CLCA2: variants seen among roughly 807,000 people sequenced by gnomAD.
CLCA2 encodes calcium-activated chloride channel regulator 2.
A neutral mutation model predicts 82.9 loss-of-function variants in CLCA2; 85 were observed. That is an observed-to-expected ratio of 1.03 (90% CI 0.86 to 1.23). The LOEUF (loss-of-function observed/expected upper bound fraction) is 1.23, where lower values mean the gene tolerates loss of function less well. Among genes scored for constraint, CLCA2 ranks in the 50% most tolerant of loss-of-function variants. CLCA2 has a pLI of 0.00. For synonymous variants in CLCA2, 421 were observed against 391.7 expected (o/e 1.07, Z -0.88); for missense variants, 1,089 against 1,124.8 (o/e 0.97, Z 0.45).
chr1:86,448,006 G>A, intron 11 of CLCA2: 2 of 553,242 alleles, frequency 3.6e-6, no homozygotes, highest in Non-Finnish European at 6.3e-6. Flanking sequence ...TTTGAGCAAA[G>A]GGTGGGAGGC....
At chr1:86,431,012 C>T (rs1360521585) in intron 4 of CLCA2, 42 bp downstream of exon 4, 1 of 1,400,230 alleles carries the variant, frequency 7.1e-7, no homozygotes, top group Non-Finnish European at 1.0e-6. Flanking sequence ...ATTTATTTGA[C>T]TCTAAAATTG....
In CLCA2 at chr1:86,455,511, G is replaced by A. The variant is rs1476588700; in HGVS notation, c.2816G>A (p.Gly939Glu). The A allele has an allele frequency of 6.8e-7, 1 of 1,474,600 alleles. No individual in the cohort carries two copies. The highest frequency in any genetic ancestry group is 9.0e-7 in the Non-Finnish European group (1 of 1,113,070). The allele number at this position is 1,474,600 out of a possible 1,614,324, so 91.3% of individuals were successfully genotyped here. Residue 939 changes from glycine to glutamate, a missense_variant, in exon 14 of 14, where the codon GGA becomes GAA. Coordinates refer to ENST00000370565, the MANE Select transcript of CLCA2 (RefSeq NM_006536.7). ...RKKRADKKEN[G>E]TKLL ...AAGAGAGCAGACAAGAAAGAGAATG[G>A]AACAAAATTATTATAAATAAATATC...
intron 2 of CLCA2, 130 bp downstream of exon 2, chr1:86,425,606 A>T (rs1662372954): frequency 3.2e-6 from 2 of 623,030 alleles, no homozygotes; most frequent in Non-Finnish European, 4.7e-6. Context: ...AATAATATTA[A>T]TGGGCAGAAT....
chr1:86,444,147 C>G (rs989720183), intron 10 of CLCA2, 136 bp downstream of exon 10: 18 of 618,326 alleles, frequency 2.9e-5, no homozygotes, highest in Non-Finnish European at 4.7e-5. Context: ...ATTTATGAGG[C>G]CATTTTGTGA....
At chr1:86,448,692 C>T (rs1364869666) in intron 11 of CLCA2, among the ~76,000 whole-genome samples, 1 of 152,198 alleles carries the variant, frequency 6.6e-6, no homozygotes, top group Non-Finnish European at 1.5e-5. Flanking sequence ...AGTATCTTGC[C>T]ATGGCAATCA....
chr1:86,426,541 G>A (rs999000532), intron 2 of CLCA2, among the ~76,000 whole-genome samples: 4 of 152,168 alleles, frequency 2.6e-5, no homozygotes, highest in African/African-American at 9.7e-5. Flanking sequence ...ATGAAGATAG[G>A]ATAGGTGGGG....
intron 9 of CLCA2, among the ~76,000 whole-genome samples, chr1:86,442,398 A>G (rs1662753614): frequency 6.6e-6 from 1 of 152,234 alleles, no homozygotes; most frequent in Non-Finnish European, 1.5e-5. Context: ...TGTTTAAAGA[A>G]GTAAAAAATA....
intron 10 of CLCA2, chr1:86,445,460 TG>T (rs1662832482): frequency 6.6e-6 from 1 of 151,812 alleles, no homozygotes; most frequent in Admixed American, 6.6e-5. Context: ...GCACTATTTT[TG>T]TTTCTGATTT....
intron 7 of CLCA2, 114 bp from the exon 8 acceptor site, chr1:86,440,034 G>A: frequency 1.0e-6 from 1 of 977,432 alleles, no homozygotes; most frequent in Non-Finnish European, 1.6e-6. Context: ...CTTGAGTGGA[G>A]ATGGGCGTGG....
Position 86,455,558 on chromosome 1 carries a change from T to C in CLCA2, c.*31T>C. The stretch of plus-strand genomic sequence containing the variant: ...TATCCAAAGTGTCTTCCTTCTTAGA[T>C]ATAAGACCCATGGCCTTCGACTACA... On this transcript the variant is annotated 3_prime_UTR_variant, in exon 14 of 14. Coordinates refer to ENST00000370565, the MANE Select transcript of CLCA2 (RefSeq NM_006536.7). The C allele has an allele frequency of 1.4e-6, 2 of 1,387,092 alleles. No individual in the cohort carries two copies. Among genetic ancestry groups the C allele is most frequent in the Non-Finnish European group, 1.9e-6 (2 of 1,051,182 alleles). The allele number at this position is 1,387,092 out of a possible 1,614,324, so 85.9% of individuals were successfully genotyped here.
chr1:86,447,926 T>G, intron 11 of CLCA2, 148 bp downstream of exon 11: 1 of 794,362 alleles, frequency 1.3e-6, no homozygotes, highest in Non-Finnish European at 1.9e-6. Context: ...ATAGAGTCAC[T>G]GATATACTGA....
At chr1:86,431,076 C>T (rs1172741300) in intron 4 of CLCA2, 106 bp downstream of exon 4, 9 of 726,388 alleles carry the variant, frequency 1.2e-5, no homozygotes, top group Non-Finnish European at 2.0e-5. Flanking sequence ...AATTTAATTG[C>T]AGCTAAAACT....
chr1:86,441,517 G>T lies in CLCA2; in HGVS notation c.1462G>T (p.Gly488Ter). The T allele has an allele frequency of 1.9e-6, 3 of 1,611,194 alleles. No individual in the cohort carries two copies. The highest frequency in any genetic ancestry group is 2.5e-6 in the Non-Finnish European group (3 of 1,177,776). The stretch of plus-strand genomic sequence containing the variant: ...TTTCAGTAGAATTTCCTCTGGAACT[G>T]GAGACATTTTCCAGCAACATATTCA... ...DAFSRISSGT[G>*]DIFQQHIQLE... Residue 488 changes from glycine to a stop codon, truncating the protein, a stop_gained, in exon 9 of 14, where the codon GGA becomes TGA. Transcript: ENST00000370565. LOFTEE classifies it high-confidence loss of function.
chr1:86,454,617 C>A (rs1353267301), intron 13 of CLCA2, among the ~76,000 whole-genome samples: 1 of 152,062 alleles, frequency 6.6e-6, no homozygotes, highest in African/African-American at 2.4e-5. Context: ...CATGGGGAAA[C>A]CCCGTCTCTA....
intron 1 of CLCA2, 69 bp downstream of exon 1, chr1:86,424,502 A>G (rs924918082): frequency 6.7e-6 from 9 of 1,335,084 alleles, no homozygotes; most frequent in Non-Finnish European, 9.2e-6. Context: ...TTTAGAAGCT[A>G]ACTACCCTGC....
At chr1:86,427,680 C>G (rs369491271) in intron 2 of CLCA2, among the ~76,000 whole-genome samples, 1 of 151,984 alleles carries the variant, frequency 6.6e-6, no homozygotes, top group African/African-American at 2.4e-5. Context: ...GCATATTTAA[C>G]TTTTAAGTGC....
At position 86,424,366 on chromosome 1, in the gene CLCA2, A is replaced by G. The variant is rs1479294431; in HGVS notation, c.119A>G (p.Tyr40Cys). The change falls in exon 1 of 14, where the codon TAT becomes TGT. Residue 40 changes from tyrosine (Y) to cysteine (C), a missense_variant. Transcript: ENST00000370565. Reference protein sequence around the residue: ...GAGVQLQDNGYNGLLIAINPQ... With the variant: ...GAGVQLQDNGCNGLLIAINPQ... ...GGAGTACAGCTTCAAGACAATGGGTATAATGGATTGCTCATTGCAATTAAT... is the reference window on the plus strand; with the variant it reads ...GGAGTACAGCTTCAAGACAATGGGTGTAATGGATTGCTCATTGCAATTAAT... The G allele has an allele frequency of 6.2e-7, 1 of 1,613,882 alleles. No homozygotes were observed. Among genetic ancestry groups the G allele is most frequent in the Non-Finnish European group, 8.5e-7 (1 of 1,179,868 alleles).
chr1:86,440,437 T>G (rs563391668), intron 8 of CLCA2, 112 bp downstream of exon 8: 1 of 1,014,036 alleles, frequency 9.9e-7, no homozygotes, highest in Non-Finnish European at 1.4e-6. Flanking sequence ...GAAATTGTTT[T>G]TAAAAAACGC....
At chr1:86,442,715 T>C (rs1028007783) in intron 9 of CLCA2, among the ~76,000 whole-genome samples, 14 of 152,256 alleles carry the variant, frequency 9.2e-5, no homozygotes, top group Non-Finnish European at 1.5e-4. Flanking sequence ...ATTTAATAAA[T>C]GTAAATTTTC....
Sources: gnomAD v4.1 joint callset for allele counts (sites outside exome capture counted in the v4.1 genomes callset) on GRCh38, gnomAD v4.1.1 for gene constraint, MANE v1.5 for transcripts, NCBI Gene and HGNC (gene_info 2026-07-23, HGNC 2026-07-21) for gene names.